The following CYP2B6 variants were observed in gnomAD, a reference collection of about 807,000 sequenced individuals.
CYP2B6 encodes the protein cytochrome P450 2B6.
A neutral mutation model predicts 43.4 loss-of-function variants in CYP2B6; 35 were observed. The ratio of observed to expected loss-of-function variants is 0.81; its 90% confidence interval spans 0.62 to 1.07. The LOEUF (loss-of-function observed/expected upper bound fraction) is 1.07. Ranked by LOEUF, CYP2B6 falls within the 50% of genes least tolerant of loss-of-function variation. The pLI, the probability that CYP2B6 is intolerant of heterozygous loss-of-function variation, is 0.00. For synonymous variants in CYP2B6, 239 were observed against 239.2 expected, an observed-to-expected ratio of 1.00 and a Z score of 0.01; for missense variants, 624 against 632.8, an observed-to-expected ratio of 0.99 and a Z score of 0.15.
chr19:41,012,273 T>C (rs776420737), intron 6 of CYP2B6, 25 bp from the exon 7 acceptor site: 3 of 1,611,220 alleles, frequency 1.9e-6, no homozygotes, highest in Non-Finnish European at 2.5e-6. Flanking sequence ...TAAAATGAGA[T>C]TCATTGGTCT....
intron 6 of CYP2B6, among the ~76,000 whole-genome samples, chr19:41,011,116 C>CTCAT (rs1174667380): frequency 7.9e-5 from 12 of 152,286 alleles, no homozygotes; most frequent in East Asian, 1.9e-4. Flanking sequence ...GATTCATTGG[C>CTCAT]TCATTCATTC....
In CYP2B6 at chr19:41,018,230, C is replaced by T. The variant is rs1396141649; in HGVS notation, c.*1403C>T. 6 of 152,342 alleles carry T rather than the reference C, an allele frequency of 3.9e-5. No individual in the cohort carries two copies. The South Asian group carries it at 1.0e-3, about 26-fold the overall frequency. The allele number at this position is 152,342 out of a possible 1,614,324, so 9.4% of individuals were successfully genotyped here. Reference sequence around the variant, plus strand: ...CACACTGCTGTAGTCTTCCCCAGTCCTCATTCCCAGCTGCCTCTTCCTACT... The same window carrying T: ...CACACTGCTGTAGTCTTCCCCAGTCTTCATTCCCAGCTGCCTCTTCCTACT... On this transcript the variant is annotated 3_prime_UTR_variant, in exon 9 of 9. Transcript: ENST00000324071.
At chr19:41,011,301 C>T (rs1450393302) in intron 6 of CYP2B6, among the ~76,000 whole-genome samples, 5 of 151,774 alleles carry the variant, frequency 3.3e-5, no homozygotes, top group Non-Finnish European at 5.9e-5. Flanking sequence ...TTCATTTACT[C>T]CTTTATTTAC....
chr19:41,012,524 C>T, intron 7 of CYP2B6, 39 bp downstream of exon 7: 3 of 1,612,030 alleles, frequency 1.9e-6, no homozygotes, highest in Middle Eastern at 1.7e-4. Context: ...CCTGTTTGGG[C>T]ATCCTGGATT....
At chr19:40,992,316 T>C (rs2144654890) in intron 1 of CYP2B6, among the ~76,000 whole-genome samples, 1 of 152,050 alleles carries the variant, frequency 6.6e-6, no homozygotes, top group East Asian at 1.9e-4. Flanking sequence ...TTGGTCAGCC[T>C]CAAAATTTTG....
intron 4 of CYP2B6, among the ~76,000 whole-genome samples, chr19:41,008,916 G>A (rs910700040): frequency 4.6e-5 from 7 of 151,198 alleles, no homozygotes; most frequent in African/African-American, 1.2e-4. Context: ...TAAACAGGCT[G>A]AGGTAGACAA....
Position 41,009,209 on chromosome 19 carries a change from T to A in CYP2B6, c.646-10T>A, listed in dbSNP as rs1202661093. 6.2e-7 allele frequency: 1 copy of A among 1,610,254 alleles called. No individual in the cohort carries two copies. Among genetic ancestry groups the A allele is most frequent in the Non-Finnish European group, 8.5e-7 (1 of 1,177,506 alleles). ...CCTAGGCAAACCTCACCACCCCTTC[T>A]TTCTTGCAGCTGTTTGAGCTCTTCT... On this transcript the variant is annotated splice_polypyrimidine_tract_variant and intron_variant, in intron 4 of 8. Coordinates refer to ENST00000324071, the MANE Select transcript of CYP2B6 (RefSeq NM_000767.5).
chr19:40,993,872 C>CAA (rs1409859266), intron 1 of CYP2B6, among the ~76,000 whole-genome samples: 1 of 152,108 alleles, frequency 6.6e-6, no homozygotes, highest in Non-Finnish European at 1.5e-5. Context: ...GCACCATACA[C>CAA]AAGCCTCCAA....
At chr19:41,010,767 GT>G (rs555115209) in intron 6 of CYP2B6, among the ~76,000 whole-genome samples, 190 of 152,158 alleles carry the variant, frequency 1.2e-3, no homozygotes, top group African/African-American at 4.4e-3. Flanking sequence ...TACCCATTAA[GT>G]AATTTCTCAT....
chr19:41,010,110 C>T lies in CYP2B6; in HGVS notation c.939C>T (p.Leu313=). Residue 313 remains leucine, a synonymous_variant, in exon 6 of 9, where the codon CTC becomes CTT. Coordinates refer to ENST00000324071, the MANE Select transcript of CYP2B6 (RefSeq NM_000767.5). Reference sequence around the variant, plus strand: ...CCACTCTCCGCTACGGCTTCCTGCTCATGCTCAAATACCCTCATGTTGCAG... The same window carrying T: ...CCACTCTCCGCTACGGCTTCCTGCTTATGCTCAAATACCCTCATGTTGCAG... ...TSTTLRYGFL[L]MLKYPHVAER... is the part of the protein sequence containing the mutation. The T allele has an allele frequency of 1.2e-6, 2 of 1,613,706 alleles. No homozygotes were observed. Among genetic ancestry groups the T allele is most frequent in the South Asian group, 1.1e-5 (1 of 91,052 alleles).
intron 1 of CYP2B6, among the ~76,000 whole-genome samples, chr19:40,999,668 G>T (rs954040307): frequency 9.2e-5 from 14 of 152,060 alleles, no homozygotes; most frequent in Admixed American, 7.2e-4. Flanking sequence ...GGCTTGTCTG[G>T]AATGATATTA....
At chr19:41,015,729 C>G (rs1181328895) in intron 8 of CYP2B6, among the ~76,000 whole-genome samples, 2 of 152,004 alleles carry the variant, frequency 1.3e-5, no homozygotes, top group Non-Finnish European at 2.9e-5. Flanking sequence ...GCCTGTGGAT[C>G]TCAGGCTGAG....
chr19:40,991,993 G>A (rs747003572), intron 1 of CYP2B6, among the ~76,000 whole-genome samples: 1 of 152,068 alleles, frequency 6.6e-6, no homozygotes, highest in Non-Finnish European at 1.5e-5. Context: ...CCTGAGGTCA[G>A]GAGTTCGAGA....
chr19:41,012,445 T>C lies in CYP2B6; in HGVS notation c.1112T>C (p.Val371Ala). ...CTCCCCATGGGTGTGCCCCACATTG[T>C]CACCCAACACACCAGCTTCCGAGGG... ...DLLPMGVPHI[V>A]TQHTSFRGYI... is the part of the protein sequence containing the mutation. The change falls in exon 7 of 9, where the codon GTC (valine) becomes GCC (alanine). Residue 371 changes from valine (V) to alanine (A), a missense_variant. By Grantham distance (64) the Val-to-Ala change is moderately conservative. Transcript: ENST00000324071. The C allele has an allele frequency of 6.2e-7, 1 of 1,614,104 alleles. No individual in the cohort carries two copies. Among genetic ancestry groups the C allele is most frequent in the Middle Eastern group, 1.6e-4 (1 of 6,062 alleles).
At chr19:40,995,364 A>T (rs889960736) in intron 1 of CYP2B6, among the ~76,000 whole-genome samples, 1 of 152,112 alleles carries the variant, frequency 6.6e-6, no homozygotes, top group African/African-American at 2.4e-5. Flanking sequence ...AGACCCTGAC[A>T]TTTTGCTACA....
chr19:40,996,580 G>A (rs1245277840), intron 1 of CYP2B6, among the ~76,000 whole-genome samples: 3 of 152,048 alleles, frequency 2.0e-5, no homozygotes, highest in Non-Finnish European at 4.4e-5. Flanking sequence ...TAGAATTATG[G>A]ATTTGATAAA....
chr19:41,000,656 T>C (rs1304257934), intron 1 of CYP2B6, among the ~76,000 whole-genome samples: 1 of 152,134 alleles, frequency 6.6e-6, no homozygotes, highest in Non-Finnish European at 1.5e-5. Flanking sequence ...GACTAATGTG[T>C]CTAGGAATTA....
rs1302369087 is a variant in CYP2B6 at position 41,012,502 on chromosome 19, C to T, written c.1152+17C>T. On this transcript the variant is annotated intron_variant, in intron 7 of 8. Transcript: ENST00000324071. Reference sequence around the variant, plus strand: ...ATCCCCAAGGTAAGACCGGCTGGAACCCCATAGCCCTCCTGTTTGGGCATC... The same window carrying T: ...ATCCCCAAGGTAAGACCGGCTGGAATCCCATAGCCCTCCTGTTTGGGCATC... 4 of 1,613,936 alleles carry T rather than the reference C, an allele frequency of 2.5e-6. No homozygotes were observed. Among genetic ancestry groups the T allele is most frequent in the Non-Finnish European group, 3.4e-6 (4 of 1,179,932 alleles).
rs1163964726 is a variant in CYP2B6 at position 41,012,335 on chromosome 19, A to G, written c.1002A>G (p.Pro334=). The part of the protein sequence containing the change: ...VYREIEQVIG[P]HRPPELHDRA... ...GGGAGATTGAACAGGTGATTGGCCC[A>G]CATCGCCCTCCAGAGCTTCATGACC... The change falls in exon 7 of 9, where the codon CCA becomes CCG. Residue 334 remains proline (P), a synonymous_variant. Coordinates refer to ENST00000324071, the MANE Select transcript of CYP2B6 (RefSeq NM_000767.5). The G allele has an allele frequency of 5.6e-6, 9 of 1,613,998 alleles. No homozygotes were observed. The African/African-American group carries it at 1.1e-4, about 19-fold the overall frequency.
Sources: gnomAD v4.1 joint callset for allele counts (sites outside exome capture counted in the v4.1 genomes callset) on GRCh38, gnomAD v4.1.1 for gene constraint, MANE v1.5 for transcripts, NCBI Gene and HGNC (gene_info 2026-07-23, HGNC 2026-07-21) for gene names.